The following UNC13C variants were observed in gnomAD, a reference collection of about 807,000 sequenced individuals.
The protein encoded by UNC13C is protein unc-13 homolog C.
A neutral mutation model predicts 245.4 loss-of-function variants in UNC13C; 174 were observed. That is an observed-to-expected ratio of 0.71 (90% CI 0.63 to 0.80). UNC13C has a LOEUF of 0.80. Ranked by LOEUF, UNC13C falls within the 30% of genes least tolerant of loss-of-function variation. The probability of loss-of-function intolerance (pLI) is 0.00; values close to 1 mark genes in which losing one functional copy is unlikely to be tolerated. For synonymous variants in UNC13C, 992 were observed against 895.1 expected (o/e 1.11, Z -1.93); for missense variants, 2,829 against 2,602.9 (o/e 1.09, Z -1.89).
intron 13 of UNC13C, chr15:54,321,109 C>G: frequency 2.0e-6 from 1 of 509,916 alleles, no homozygotes; most frequent in Non-Finnish European, 3.9e-6. Flanking sequence ...ACCTCTTCAA[C>G]TGGGTGAGGC....
intron 19 of UNC13C, among the ~76,000 whole-genome samples, chr15:54,418,965 C>T (rs1265131067): frequency 3.9e-5 from 6 of 152,124 alleles, no homozygotes; most frequent in Non-Finnish European, 7.4e-5. Flanking sequence ...CGCACACTCC[C>T]TCCTCCCTTG....
chr15:53,862,713 G>A, the UNC13C span, among the ~76,000 whole-genome samples: 5 of 152,092 alleles, frequency 3.3e-5, no homozygotes, highest in Admixed American at 6.6e-5. Flanking sequence ...CCACACTCAC[G>A]TTGGGGAGAC....
chr15:54,464,056 T>C (rs1357305843), intron 19 of UNC13C, among the ~76,000 whole-genome samples: 1 of 152,200 alleles, frequency 6.6e-6, no homozygotes, highest in Non-Finnish European at 1.5e-5. Context: ...TAAATATCAG[T>C]AGTAATTTCT....
chr15:54,212,195 C>T, intron 4 of UNC13C, among the ~76,000 whole-genome samples: 1 of 151,926 alleles, frequency 6.6e-6, no homozygotes, highest in East Asian at 1.9e-4. Flanking sequence ...GTGAAATAAT[C>T]ACAAAATGGT....
chr15:54,101,973 A>C (rs1335160315), intron 2 of UNC13C, among the ~76,000 whole-genome samples: 1 of 150,776 alleles, frequency 6.6e-6, no homozygotes, highest in Non-Finnish European at 1.5e-5. Context: ...AGATTATTAA[A>C]CTGCTTGCCT....
intron 7 of UNC13C, among the ~76,000 whole-genome samples, chr15:54,240,507 A>G (rs1402212536): frequency 3.9e-5 from 6 of 152,224 alleles, no homozygotes; most frequent in Non-Finnish European, 8.8e-5. Context: ...AAAGAAATGT[A>G]CACTTTGAAG....
the UNC13C span, among the ~76,000 whole-genome samples, chr15:53,852,409 A>G: frequency 6.6e-6 from 1 of 152,276 alleles, no homozygotes; most frequent in Non-Finnish European, 1.5e-5. Flanking sequence ...ACGGTTTTCT[A>G]CAATTACTCC....
chr15:54,323,833 G>A (rs1320008245), intron 14 of UNC13C, among the ~76,000 whole-genome samples: 7 of 151,902 alleles, frequency 4.6e-5, no homozygotes, highest in East Asian at 1.9e-4. Flanking sequence ...CTAATATTCC[G>A]TCTGTGTATA....
chr15:54,121,370 C>T (rs1363579011), intron 2 of UNC13C, among the ~76,000 whole-genome samples: 1 of 152,000 alleles, frequency 6.6e-6, no homozygotes, highest in Non-Finnish European at 1.5e-5. Flanking sequence ...AAGGCATGCA[C>T]ATTATTTTTT....
At chr15:54,625,033 G>T (rs1901046760) in intron 32 of UNC13C, among the ~76,000 whole-genome samples, 1 of 152,028 alleles carries the variant, frequency 6.6e-6, no homozygotes, top group Admixed American at 6.6e-5. Context: ...TTAATGGAAA[G>T]AACTATTCAT....
intron 17 of UNC13C, among the ~76,000 whole-genome samples, chr15:54,345,409 C>A (rs1204045880): frequency 1.3e-5 from 2 of 152,112 alleles, no homozygotes; most frequent in South Asian, 4.1e-4. Flanking sequence ...GGTCATGTGG[C>A]AGGATCCCAG....
chr15:54,109,808 T>C (rs1287936951), intron 2 of UNC13C, among the ~76,000 whole-genome samples: 1 of 152,086 alleles, frequency 6.6e-6, no homozygotes, highest in African/African-American at 2.4e-5. Context: ...GGAGATATTA[T>C]AGGTGGATAT....
the UNC13C span, among the ~76,000 whole-genome samples, chr15:53,941,620 G>A: frequency 1.8e-4 from 27 of 152,070 alleles, no homozygotes; most frequent in South Asian, 6.2e-4. Flanking sequence ...CCATTAAAAA[G>A]TAGGCAAAAG....
rs763162692 is a variant in UNC13C, at chr15:54,546,862, T to A, written c.5820+17T>A. On this transcript the variant is annotated intron_variant, in intron 27 of 32. Coordinates refer to ENST00000260323, the MANE Select transcript of UNC13C (RefSeq NM_001080534.3). Reference sequence around the variant, plus strand: ...GATCAAACAGTAAGTATATAAAGTTTAGTTATGCTTTCATTAACCCATCTG... The same window carrying A: ...GATCAAACAGTAAGTATATAAAGTTAAGTTATGCTTTCATTAACCCATCTG... The A allele has an allele frequency of 2.6e-6, 4 of 1,559,706 alleles. No individual in the cohort carries two copies. Among genetic ancestry groups the A allele is most frequent in the Non-Finnish European group, 2.6e-6 (3 of 1,155,676 alleles).
At chr15:54,157,523 G>A (rs2032800633) in intron 4 of UNC13C, among the ~76,000 whole-genome samples, 1 of 152,084 alleles carries the variant, frequency 6.6e-6, no homozygotes, top group Non-Finnish European at 1.5e-5. Flanking sequence ...TTGGAACTGG[G>A]GAGTTTCTTA....
At chr15:54,531,762 C>T (rs1179444748) in intron 25 of UNC13C, among the ~76,000 whole-genome samples, 2 of 151,900 alleles carry the variant, frequency 1.3e-5, no homozygotes, top group African/African-American at 4.8e-5. Flanking sequence ...CAACTCTCAG[C>T]AAAATCTAAC....
intron 1 of UNC13C, among the ~76,000 whole-genome samples, chr15:53,995,927 G>T (rs1312050909): frequency 6.6e-6 from 1 of 152,186 alleles, no homozygotes; most frequent in East Asian, 1.9e-4. Flanking sequence ...CAAGAGTTAG[G>T]TGGGAGGTGC....
At chr15:53,950,971 C>T in the UNC13C span, among the ~76,000 whole-genome samples, 2 of 152,044 alleles carry the variant, frequency 1.3e-5, no homozygotes, top group Admixed American at 1.3e-4. Context: ...GTGAAAACAG[C>T]CCTATAGTTA....
At chr15:54,298,011 C>A in intron 12 of UNC13C, 85 bp downstream of exon 12, 1 of 997,978 alleles carries the variant, frequency 1.0e-6, no homozygotes, top group Non-Finnish European at 1.5e-6. Flanking sequence ...GTTTAAAAAT[C>A]ATTGAATTTG....
Sources: allele counts gnomAD v4.1 joint callset (sites outside exome capture counted in the v4.1 genomes callset), GRCh38; gene constraint gnomAD v4.1.1; transcripts MANE v1.5; gene names NCBI Gene and HGNC (gene_info 2026-07-23, HGNC 2026-07-21).